Variants in MED12L observed in about 807,000 individuals in gnomAD.
The protein encoded by MED12L is mediator of RNA polymerase II transcription subunit 12-like protein.
A neutral mutation model predicts 281.3 loss-of-function variants in MED12L; 60 were observed. The ratio of observed to expected loss-of-function variants is 0.21; its 90% CI spans 0.17 to 0.26. The LOEUF (loss-of-function observed/expected upper bound fraction) is 0.26. Ranked by LOEUF, MED12L falls within the 10% of genes least tolerant of loss-of-function variation. MED12L has a pLI of 1.00. For synonymous variants in MED12L, 974 were observed against 987.2 expected (o/e 0.99, Z 0.25); for missense variants, 2,146 against 2,680.9 (o/e 0.80, Z 4.41).
At chr3:151,411,208 T>C (rs753564972) in intron 40 of MED12L, 70 bp from the exon 41 acceptor site, 47 of 1,366,138 alleles carry the variant, frequency 3.4e-5, no homozygotes, top group Non-Finnish European at 4.9e-5. Context: ...TTTTGCCCCA[T>C]ATATCGTAGT....
chr3:151,248,497 A>T (rs1736196205), intron 16 of MED12L, among the ~76,000 whole-genome samples: 1 of 152,134 alleles, frequency 6.6e-6, no homozygotes, highest in South Asian at 2.1e-4. Flanking sequence ...CCCTGAGATT[A>T]TATATATCAT....
chr3:151,375,020 G>A (rs1325252428), intron 27 of MED12L, among the ~76,000 whole-genome samples: 4 of 152,130 alleles, frequency 2.6e-5, no homozygotes, highest in Non-Finnish European at 5.9e-5. Flanking sequence ...TATTTTTACA[G>A]GCATGTTATA....
At chr3:151,394,235 G>C (rs2108253320) in intron 38 of MED12L, among the ~76,000 whole-genome samples, 1 of 152,312 alleles carries the variant, frequency 6.6e-6, no homozygotes, top group East Asian at 1.9e-4. Context: ...AATGACATGA[G>C]CTTCAGATTT....
intron 3 of MED12L, among the ~76,000 whole-genome samples, chr3:151,121,543 G>GTTT (rs1359716526): frequency 7.1e-4 from 108 of 152,244 alleles, no homozygotes; most frequent in African/African-American, 2.5e-3. Context: ...AACAGGGTAA[G>GTTT]TATTTTATTT....
In MED12L at chr3:151,220,120, A is replaced by G. The variant is rs183248629; in HGVS notation, c.2250+26454A>G. 2.1e-4 allele frequency among the ~76,000 whole-genome samples: 31 copies of G among 147,856 alleles called. No individual in the cohort carries two copies. The East Asian group carries it at 3.1e-3, about 15-fold the overall frequency. ...TTAGCAGCAGTTCTGACTTCTGCCT[A>G]CTAGATGCCAGTAACCCACTACCCA... On this transcript the variant is annotated intron_variant, in intron 16 of 44. Coordinates refer to ENST00000687756, the MANE Select transcript of MED12L (RefSeq NM_001393769.1).
intron 16 of MED12L, among the ~76,000 whole-genome samples, chr3:151,236,163 G>A (rs1444110805): frequency 6.6e-6 from 1 of 152,162 alleles, no homozygotes; most frequent in Non-Finnish European, 1.5e-5. Context: ...TTGCTCTACA[G>A]TTAGAAGCTC....
chr3:151,247,994 A>G (rs1375802617), intron 16 of MED12L, among the ~76,000 whole-genome samples: 2 of 126,976 alleles, frequency 1.6e-5, no homozygotes, highest in African/African-American at 5.8e-5. Flanking sequence ...TTGCCTGAGA[A>G]ATAATCTGGA....
chr3:151,165,961 C>A lies in MED12L; in HGVS notation c.1473C>A (p.Asn491Lys). ...ETLYHKIFWANQNKDNQEVAP... is the reference protein window; with the variant it reads ...ETLYHKIFWAKQNKDNQEVAP... ...TTTATCATAAGATTTTCTGGGCAAA[C>A]CAAAACAAAGATAACCAAGAGGTAG... is the stretch of plus-strand genomic sequence containing the variant. Residue 491 changes from asparagine (N) to lysine (K), a missense_variant, in exon 11 of 45, where the codon AAC (asparagine) becomes AAA (lysine). By Grantham distance (94) the Asn-to-Lys change is moderately conservative. This residue lies in a region of MED12L where 722 missense variants were observed against 861.2 expected (regional missense o/e 0.84). Coordinates refer to ENST00000687756, the MANE Select transcript of MED12L (RefSeq NM_001393769.1). 6.2e-7 allele frequency: 1 copy of A among 1,611,902 alleles called. No individual in the cohort carries two copies. The highest frequency in any genetic ancestry group is 8.5e-7 in the Non-Finnish European group (1 of 1,179,042).
intron 5 of MED12L, among the ~76,000 whole-genome samples, chr3:151,131,219 A>G (rs1395219762): frequency 6.6e-6 from 1 of 152,134 alleles, no homozygotes; most frequent in Non-Finnish European, 1.5e-5. Flanking sequence ...CTGATGTTCA[A>G]TTTAATCTGA....
rs183897094 is a variant in MED12L at position 151,377,603 on chromosome 3, A to G, written c.4317-409A>G. On this transcript the variant is annotated intron_variant, in intron 30 of 44. Transcript: ENST00000687756. ...ATCATGAAAGGCTGATTTGTATTTCATCATTTTGGTATAAAGTATAACTAG... is the reference window on the plus strand; with the variant it reads ...ATCATGAAAGGCTGATTTGTATTTCGTCATTTTGGTATAAAGTATAACTAG... Among the ~76,000 whole-genome samples the G allele has an allele frequency of 2.0e-3, 304 of 152,368 alleles. 3 individuals carry two copies. Among genetic ancestry groups the G allele is most frequent in the Admixed American group, 0.019 (289 of 15,310 alleles).
chr3:151,377,068 T>C lies in MED12L; in HGVS notation c.4206T>C (p.Ser1402=), dbSNP rs140385105. 1.6e-5 allele frequency: 26 copies of C among 1,614,138 alleles called. No homozygotes were observed. In the African/African-American group the frequency reaches 2.9e-4, roughly 18 times the overall value. Residue 1402 remains serine (S), a synonymous_variant, in exon 30 of 45, where the codon TCT becomes TCC. Coordinates refer to ENST00000687756, the MANE Select transcript of MED12L (RefSeq NM_001393769.1). The stretch of plus-strand genomic sequence containing the variant: ...CAACAATAGAGGTATTCCAGCAGTC[T>C]GCAGACCTAAATAATTCTTCTAATT... ...AKATIEVFQQ[S]ADLNNSSNSG...
chr3:151,362,248 A>T (rs2150084832), intron 21 of MED12L, among the ~76,000 whole-genome samples: 1 of 152,106 alleles, frequency 6.6e-6, no homozygotes, highest in Non-Finnish European at 1.5e-5. Context: ...GATCCTTTTA[A>T]TATACGAATG....
At chr3:151,162,708 G>T (rs1283258343) in intron 8 of MED12L, among the ~76,000 whole-genome samples, 1 of 152,058 alleles carries the variant, frequency 6.6e-6, no homozygotes, top group Non-Finnish European at 1.5e-5. Flanking sequence ...CAGAGCGCTG[G>T]GATTATATGT....
At chr3:151,127,776 T>C (rs370288173) in intron 4 of MED12L, 49 bp from the exon 5 acceptor site, 10 of 1,368,572 alleles carry the variant, frequency 7.3e-6, no homozygotes, top group Non-Finnish European at 1.0e-5. Context: ...TATCTAGTGA[T>C]GAACACAGTA....
At chr3:151,133,048 A>G (rs1444676004) in intron 5 of MED12L, among the ~76,000 whole-genome samples, 1 of 152,260 alleles carries the variant, frequency 6.6e-6, no homozygotes, top group Non-Finnish European at 1.5e-5. Context: ...AGAATCATTC[A>G]GCACGTTTGG....
Position 151,365,105 on chromosome 3 carries a change from C to T in MED12L, c.3084C>T (p.Tyr1028=), listed in dbSNP as rs769518697. 3.1e-6 allele frequency: 5 copies of T among 1,614,000 alleles called. No individual in the cohort carries two copies. Among genetic ancestry groups the T allele is most frequent in the East Asian group, 2.2e-5 (1 of 44,882 alleles). ...IENPSARSIN[Y]SMLGKILSDN... ...ATCCCTCAGCCCGCAGCATCAACTA[C>T]TCAATGCTGGGCAAGATCCTCAGTG... Residue 1028 remains tyrosine (Y), a synonymous_variant, in exon 22 of 45, where the codon TAC becomes TAT. Transcript: ENST00000687756.
At chr3:151,237,352 T>TTTC (rs996203356) in intron 16 of MED12L, among the ~76,000 whole-genome samples, 13 of 126,356 alleles carry the variant, frequency 1.0e-4, no homozygotes, top group Non-Finnish European at 1.3e-4. Context: ...TTTTTTTTCT[T>TTTC]TTTTTTTTTT....
chr3:151,155,139 A>G (rs1719103400), intron 5 of MED12L, among the ~76,000 whole-genome samples: 1 of 152,234 alleles, frequency 6.6e-6, no homozygotes, highest in African/African-American at 2.4e-5. Context: ...TTTTGTCAAA[A>G]TAGAAGGTGG....
chr3:151,327,093 G>A (rs377314521), intron 16 of MED12L: 6 of 152,312 alleles, frequency 3.9e-5, no homozygotes, highest in African/African-American at 1.4e-4. Context: ...CTCTCAAGAA[G>A]CTTTAACATT....
Sources: allele counts gnomAD v4.1 joint callset (sites outside exome capture counted in the v4.1 genomes callset), GRCh38; gene constraint gnomAD v4.1.1; regional missense constraint gnomAD v4.1.1; transcripts MANE v1.5; gene names NCBI Gene and HGNC (gene_info 2026-07-23, HGNC 2026-07-21).